The following DUSP8 variants were observed in gnomAD, a reference collection of about 807,000 sequenced individuals.
DUSP8 encodes the protein dual specificity phosphatase 8, also known as dual specificity protein phosphatase 8.
Under a neutral mutation model 38.7 loss-of-function variants are expected in DUSP8, and 15 were observed. That is an observed-to-expected ratio of 0.39 (90% CI 0.26 to 0.60). The LOEUF (loss-of-function observed/expected upper bound fraction) is 0.60. Among genes scored for constraint, DUSP8 ranks in the 20% least tolerant of loss-of-function variants. DUSP8 has a pLI of 0.56. For synonymous variants in DUSP8, 458 were observed against 433.9 expected (o/e 1.06, Z -0.69); for missense variants, 768 against 915.0 (o/e 0.84, Z 2.07).
chr11:1,557,017 G>GGGGGCC lies in DUSP8; in HGVS notation c.1373_1378dup (p.Arg458_Pro459dup), dbSNP rs1554937240. The GGGGGCC allele has an allele frequency of 9.7e-7, 1 of 1,032,008 alleles. No individual in the cohort carries two copies. 63.9% of individuals were successfully genotyped at this position (1,032,008 alleles called of 1,614,324 possible). On this transcript the variant is annotated inframe_insertion, in exon 7 of 7. Coordinates refer to ENST00000397374, the MANE Select transcript of DUSP8 (RefSeq NM_004420.3). This position sits in a 1 kb window ranked among gnomAD's most constrained non-coding sequence, Gnocchi z 9.9. ...GGGGGAGCGCGCGGGGGAGCCGGCG[G>GGGGGCC]GGGGCCGGGGCCGCCGGCGGGGCCG... is the stretch of plus-strand genomic sequence containing the variant.
chr11:1,571,661 G>A (rs1297442372), intron 1 of DUSP8: 1 of 152,254 alleles, frequency 6.6e-6, no homozygotes, highest in Non-Finnish European at 1.5e-5. Context: ...CGGCAACGCG[G>A]CGGGCGGGCG....
intron 1 of DUSP8, chr11:1,571,545 CGG>C (rs988732559): frequency 1.3e-5 from 2 of 152,184 alleles, no homozygotes; most frequent in Non-Finnish European, 2.9e-5. Context: ...TTCGGGACGT[CGG>C]GGGCTCGCGC....
Position 1,555,977 on chromosome 11 carries a change from G to C in DUSP8, c.*541C>G, listed in dbSNP as rs1848615185. The C allele has an allele frequency of 6.6e-6, 1 of 152,246 alleles. No individual in the cohort carries two copies. The highest frequency in any genetic ancestry group is 1.5e-5 in the Non-Finnish European group (1 of 68,088). 9.4% of individuals were successfully genotyped at this position (152,246 alleles called of 1,614,324 possible). A position where few individuals can be genotyped will look rare whatever the true frequency, so the allele number is the denominator to read the frequency against. On this transcript the variant is annotated 3_prime_UTR_variant, in exon 7 of 7. Coordinates refer to ENST00000397374, the MANE Select transcript of DUSP8 (RefSeq NM_004420.3). ...CCAAGATTTGGTGCCTGGAGCTGAT[G>C]GAGGGCTGGCCGCACCTCTCCGGGG...
At chr11:1,560,668 G>A (rs1398587765) in intron 3 of DUSP8, among the ~76,000 whole-genome samples, 1 of 152,212 alleles carries the variant, frequency 6.6e-6, no homozygotes. Flanking sequence ...GCAGAGGCTG[G>A]GATGGGCACT....
rs1326083498 is a variant in DUSP8, at chr11:1,557,231, G to A, written c.1165C>T (p.Arg389Cys). 2.7e-6 allele frequency: 4 copies of A among 1,497,608 alleles called. No homozygotes were observed. In the Admixed American group the frequency reaches 6.7e-5, roughly 25 times the overall value. The allele number at this position is 1,497,608 out of a possible 1,614,324, so 92.8% of individuals were successfully genotyped here. A position where few individuals can be genotyped will look rare whatever the true frequency, so the allele number is the denominator to read the frequency against. ...TCCAGGGAGAAGGAGCGCTTGAGGC[G>A]GTTAGTGTCCTGCAGGCGGTCCGAG... ...LSSDRLQDTNRLKRSFSLDIK... is the reference protein window; with the variant it reads ...LSSDRLQDTNCLKRSFSLDIK... The change falls in exon 7 of 7, where the codon CGC becomes TGC. Residue 389 changes from arginine (R) to cysteine (C), a missense_variant. Physicochemically the swap from Arg to Cys is radical, Grantham distance 180. Transcript: ENST00000397374. This position sits in a 1 kb window ranked among gnomAD's most constrained non-coding sequence, Gnocchi z 9.9.
chr11:1,559,279 A>G, intron 3 of DUSP8: 2 of 498,138 alleles, frequency 4.0e-6, no homozygotes, highest in East Asian at 3.5e-5. Flanking sequence ...ACCTACGCCC[A>G]CATTCCTCCT....
At chr11:1,567,405 C>T (rs953296855) in intron 1 of DUSP8, among the ~76,000 whole-genome samples, 4 of 152,236 alleles carry the variant, frequency 2.6e-5, no homozygotes, top group South Asian at 2.1e-4. Context: ...CCCAGGCCGG[C>T]GGGGGCCAGT....
intron 3 of DUSP8, chr11:1,559,299 T>C (rs912793810): frequency 6.6e-6 from 3 of 455,280 alleles, no homozygotes; most frequent in African/African-American, 6.2e-5. Flanking sequence ...TCATGCTAAT[T>C]AGGGGCTGAC....
rs571594390 is a variant in DUSP8, at chr11:1,565,612, G to A, written c.215C>T (p.Pro72Leu). The change falls in exon 2 of 7, where the codon CCG (proline) becomes CTG (leucine). Residue 72 changes from proline to leucine, a missense_variant. This residue lies in a region of DUSP8 where 252 missense variants were observed against 410.4 expected (regional missense o/e 0.61). Transcript: ENST00000397374. The stretch of plus-strand genomic sequence containing the variant: ...GCTGGGTACCTGGCTGCGTGCAGCC[G>A]GCTGGATGAGCTCCGCAATGGTCAC... ...GKVTIAELIQPAARSQVEATE... is the reference protein window; with the variant it reads ...GKVTIAELIQLAARSQVEATE... The A allele has an allele frequency of 2.1e-5, 34 of 1,604,870 alleles. No homozygotes were observed. Among genetic ancestry groups the A allele is most frequent in the Non-Finnish European group, 2.6e-5 (31 of 1,174,678 alleles).
At chr11:1,561,164 C>T (rs1302532482) in intron 3 of DUSP8, among the ~76,000 whole-genome samples, 1 of 152,122 alleles carries the variant, frequency 6.6e-6, no homozygotes, top group Admixed American at 6.5e-5. Flanking sequence ...GGTCCCAGCA[C>T]TCTTTGGGCC....
At position 1,572,260 on chromosome 11, in the gene DUSP8, T is replaced by C. The variant is rs1848917103; in HGVS notation, c.-468A>G. Among the ~76,000 whole-genome samples, 2 of 146,086 alleles carry C rather than the reference T, an allele frequency of 1.4e-5. No individual in the cohort carries two copies. Among genetic ancestry groups the C allele is most frequent in the Non-Finnish European group, 3.0e-5 (2 of 66,136 alleles). On this transcript the variant is annotated 5_prime_UTR_variant, in exon 1 of 7. Transcript: ENST00000397374. The surrounding 1 kb of genome is among the most constrained non-coding windows in gnomAD (Gnocchi z 4.7). ...GGGGGAGCCGGCTCGGCCGCCGCGC[T>C]CGGCCGCGAGTGACAGGCCCGGGGC... is the stretch of plus-strand genomic sequence containing the variant.
intron 3 of DUSP8, among the ~76,000 whole-genome samples, chr11:1,559,822 G>A (rs1848690958): frequency 6.6e-6 from 1 of 152,210 alleles, no homozygotes; most frequent in African/African-American, 2.4e-5. Flanking sequence ...CGAGGCCACA[G>A]GCTGGTGGGA....
rs1016685653 is a variant in DUSP8, at chr11:1,556,541, C to T, written c.1855G>A (p.Val619Met). 1.2e-5 allele frequency: 16 copies of T among 1,379,886 alleles called. No homozygotes were observed. The African/African-American group carries it at 1.9e-4, about 17-fold the overall frequency. The allele number at this position is 1,379,886 out of a possible 1,614,324, so 85.5% of individuals were successfully genotyped here. A position where few individuals can be genotyped will look rare whatever the true frequency, so the allele number is the denominator to read the frequency against. ...GGTCAGGACACCTCGATGACCTCCA[C>T]GCTGCCCGAGAAGCTCGCCTGCTTG... ...LGKQASFSGS[V>M]EVIEVS is the part of the protein sequence containing the mutation. The change falls in exon 7 of 7, where the codon GTG becomes ATG. Residue 619 changes from valine to methionine, a missense_variant. This residue lies in a region of DUSP8 where 42 missense variants were observed against 73.7 expected (regional missense o/e 0.57). Transcript: ENST00000397374. This position sits in a 1 kb window ranked among gnomAD's most constrained non-coding sequence, Gnocchi z 5.2.
In DUSP8 at chr11:1,565,627, G is replaced by T. The variant is rs915388848; in HGVS notation, c.200C>A (p.Ala67Glu). 1 of 1,609,994 alleles carries T rather than the reference G, an allele frequency of 6.2e-7. No homozygotes were observed. The highest frequency in any genetic ancestry group is 8.5e-7 in the Non-Finnish European group (1 of 1,178,822). Residue 67 changes from alanine (A) to glutamate (E), a missense_variant, in exon 2 of 7, where the codon GCG (alanine) becomes GAG (glutamate). Transcript: ENST00000397374. ...GCGTGCAGCCGGCTGGATGAGCTCC[G>T]CAATGGTCACCTTGCCCTGCTGCAG... ...RRLQQGKVTIAELIQPAARSQ... is the reference protein window; with the variant it reads ...RRLQQGKVTIEELIQPAARSQ...
chr11:1,557,957 C>G lies in DUSP8; in HGVS notation c.698-40G>C. 1 of 1,613,102 alleles carries G rather than the reference C, an allele frequency of 6.2e-7. No individual in the cohort carries two copies. The highest frequency in any genetic ancestry group is 8.5e-7 in the Non-Finnish European group (1 of 1,179,652). On this transcript the variant is annotated intron_variant, in intron 5 of 6. Coordinates refer to ENST00000397374, the MANE Select transcript of DUSP8 (RefSeq NM_004420.3). The surrounding 1 kb of genome is among the most constrained non-coding windows in gnomAD (Gnocchi z 9.9). ...CATGGGGGCCAGGTGAGGGCTAAGA[C>G]TGCACAGCTTCTCCCTGGCCCAGGT...
intron 1 of DUSP8, 110 bp from the exon 2 acceptor site, chr11:1,566,044 T>C (rs1848797948): frequency 1.3e-5 from 7 of 558,310 alleles, no homozygotes; most frequent in Non-Finnish European, 2.2e-5. Context: ...CACACCAACA[T>C]GTGCCCGTGG....
In DUSP8 at chr11:1,572,181, C is replaced by T. The variant is rs1366479373; in HGVS notation, c.-389G>A. On this transcript the variant is annotated 5_prime_UTR_variant, in exon 1 of 7. Coordinates refer to ENST00000397374, the MANE Select transcript of DUSP8 (RefSeq NM_004420.3). The surrounding 1 kb of genome is among the most constrained non-coding windows in gnomAD (Gnocchi z 4.7). ...GCGGCCGGGAGGTTCCGGCGCGGCTCGGGCTCGGGCTCGGGCTCGGGCTCG... is the reference window on the plus strand; with the variant it reads ...GCGGCCGGGAGGTTCCGGCGCGGCTTGGGCTCGGGCTCGGGCTCGGGCTCG... Among the ~76,000 whole-genome samples, 55 of 142,738 alleles carry T rather than the reference C, an allele frequency of 3.9e-4. No homozygotes were observed. The highest frequency in any genetic ancestry group is 1.1e-3 in the African/African-American group (43 of 40,258). The allele number at this position is 142,738 out of a possible 152,430, so 93.6% of individuals were successfully genotyped here.
intron 1 of DUSP8, among the ~76,000 whole-genome samples, chr11:1,568,575 C>T (rs1848841658): frequency 6.6e-6 from 1 of 152,198 alleles, no homozygotes; most frequent in African/African-American, 2.4e-5. Flanking sequence ...CGGCAGCCAC[C>T]ACCATGGAGC....
chr11:1,556,456 T>C lies in DUSP8; in HGVS notation c.*62A>G, dbSNP rs1848624708. 4.9e-6 allele frequency: 6 copies of C among 1,230,368 alleles called. No individual in the cohort carries two copies. The South Asian group carries it at 1.6e-4, about 34-fold the overall frequency. The allele number at this position is 1,230,368 out of a possible 1,614,324, so 76.2% of individuals were successfully genotyped here. Reference sequence around the variant, plus strand: ...AAACCATTTACCTTTCTTTGCATTATATATAATATACATTTATAACGGGCC... The same window carrying C: ...AAACCATTTACCTTTCTTTGCATTACATATAATATACATTTATAACGGGCC... On this transcript the variant is annotated 3_prime_UTR_variant, in exon 7 of 7. Transcript: ENST00000397374. The surrounding 1 kb of genome is among the most constrained non-coding windows in gnomAD (Gnocchi z 5.2).
Sources: gnomAD v4.1 joint callset for allele counts (sites outside exome capture counted in the v4.1 genomes callset) on GRCh38, gnomAD v4.1.1 for gene constraint, gnomAD v4.1.1 regional missense constraint, Gnocchi (gnomAD v3.1) non-coding constraint, MANE v1.5 for transcripts, NCBI Gene and HGNC (gene_info 2026-07-23, HGNC 2026-07-21) for gene names.